RBBP6: variants seen among roughly 807,000 people sequenced by gnomAD.
The protein encoded by RBBP6 is E3 ubiquitin-protein ligase RBBP6.
Under a neutral mutation model 167.7 loss-of-function variants are expected in RBBP6, and 25 were observed. The ratio of observed to expected loss-of-function variants is 0.15; its 90% CI spans 0.11 to 0.21. The LOEUF (loss-of-function observed/expected upper bound fraction) is 0.21. Among genes scored for constraint, RBBP6 ranks in the 10% least tolerant of loss-of-function variants. The pLI is 1.00. For missense variants in RBBP6, 1,868 were observed against 2,134.2 expected (o/e 0.88, Z 2.46); for synonymous variants, 789 against 735.8 (o/e 1.07, Z -1.17).
chr16:24,566,082 G>T (rs951828572), intron 14 of RBBP6, among the ~76,000 whole-genome samples: 1 of 151,988 alleles, frequency 6.6e-6, no homozygotes, highest in African/African-American at 2.4e-5. Context: ...AAGGAAATTC[G>T]GGATATCTTC....
chr16:24,568,772 G>C lies in RBBP6; in HGVS notation c.2082G>C (p.Ser694=), dbSNP rs1285888084. The C allele has an allele frequency of 6.2e-7, 1 of 1,613,882 alleles. No individual in the cohort carries two copies. The highest frequency in any genetic ancestry group is 1.1e-5 in the South Asian group (1 of 91,044). The stretch of plus-strand genomic sequence containing the variant: ...CTAAATCTCCCTATAGTGGTTCTTC[G>C]TATTCAAGAAGTTCATATACTTATT... ...SRSKSPYSGS[S]YSRSSYTYSK... The change falls in exon 17 of 18, where the codon TCG becomes TCC. Residue 694 remains serine (S), a synonymous_variant. Transcript: ENST00000319715.
chr16:24,567,575 G>A (rs1596513117), intron 15 of RBBP6, 70 bp downstream of exon 15: 2 of 1,486,364 alleles, frequency 1.3e-6, no homozygotes, highest in East Asian at 4.7e-5. Flanking sequence ...ATAGGTGTCT[G>A]GAAACGTTTT....
chr16:24,541,215 A>G (rs1266302934), intron 1 of RBBP6, among the ~76,000 whole-genome samples: 1 of 146,484 alleles, frequency 6.8e-6, no homozygotes, highest in Non-Finnish European at 1.5e-5. Context: ...CAAAAAAACA[A>G]TTTTCTAACC....
Position 24,540,157 on chromosome 16 carries a change from T to C in RBBP6, c.-470T>C. On this transcript the variant is annotated 5_prime_UTR_variant, in exon 1 of 18. Transcript: ENST00000319715. Reference sequence around the variant, plus strand: ...GACTCCGGGCCTAGGCCCTCTCCCCTCAACCTTCTCCCGGGGCCTGGGTCA... The same window carrying C: ...GACTCCGGGCCTAGGCCCTCTCCCCCCAACCTTCTCCCGGGGCCTGGGTCA... 6.5e-6 allele frequency: 1 copy of C among 154,948 alleles called. No individual in the cohort carries two copies. The highest frequency in any genetic ancestry group is 1.4e-5 in the Non-Finnish European group (1 of 69,366). The allele number at this position is 154,948 out of a possible 1,614,324, so 9.6% of individuals were successfully genotyped here. A position where few individuals can be genotyped will look rare whatever the true frequency, so the allele number is the denominator to read the frequency against.
intron 3 of RBBP6, 142 bp downstream of exon 3, chr16:24,549,123 A>G: frequency 6.7e-7 from 1 of 1,498,618 alleles, no homozygotes; most frequent in Non-Finnish European, 8.9e-7. Context: ...ATGACAGCTC[A>G]GTTGAATATG....
At chr16:24,556,287 C>T (rs1328174262) in intron 6 of RBBP6, 21 bp from the exon 7 acceptor site, 3 of 1,530,426 alleles carry the variant, frequency 2.0e-6, no homozygotes, top group Non-Finnish European at 2.7e-6. Flanking sequence ...TCCTCCTCCT[C>T]TTCCTTTTTC....
chr16:24,564,915 A>AT (rs1345025727), intron 14 of RBBP6, 50 bp downstream of exon 14: 1 of 1,560,278 alleles, frequency 6.4e-7, no homozygotes, highest in East Asian at 2.4e-5. Flanking sequence ...TTTTATATAT[A>AT]TATCTCACCA....
Position 24,572,611 on chromosome 16 carries a change from G to A in RBBP6, c.*166G>A, listed in dbSNP as rs991456079. The A allele has an allele frequency of 1.3e-5, 13 of 1,022,494 alleles. No individual in the cohort carries two copies. In the Admixed American group the frequency reaches 1.4e-4, roughly 11 times the overall value. 63.3% of individuals were successfully genotyped at this position (1,022,494 alleles called of 1,614,324 possible). On this transcript the variant is annotated 3_prime_UTR_variant, in exon 18 of 18. Transcript: ENST00000319715. Reference sequence around the variant, plus strand: ...TTTTTACATCAGAGCTTTATAACACGAACTTTTGTACAGAATTGTGAGTTG... The same window carrying A: ...TTTTTACATCAGAGCTTTATAACACAAACTTTTGTACAGAATTGTGAGTTG...
Position 24,571,141 on chromosome 16 carries a change from A to G in RBBP6, c.4075A>G (p.Ile1359Val), listed in dbSNP as rs772548397. 13 of 1,613,694 alleles carry G rather than the reference A, an allele frequency of 8.1e-6. No homozygotes were observed. The highest frequency in any genetic ancestry group is 1.7e-5 in the Admixed American group (1 of 60,010). The change falls in exon 18 of 18, where the codon ATA (isoleucine) becomes GTA (valine). Residue 1359 changes from isoleucine (I) to valine (V), a missense_variant. Coordinates refer to ENST00000319715, the MANE Select transcript of RBBP6 (RefSeq NM_006910.5). The stretch of plus-strand genomic sequence containing the variant: ...AAATGTTAGTACAAAGCCATCAAAT[A>G]TAGTCAAGTATCCTGAGAAAGAAAG... ...IKNVSTKPSN[I>V]VKYPEKESEP...
In RBBP6 at chr16:24,540,776, T is replaced by A; in HGVS notation, c.150T>A (p.Asn50Lys). ...CCGACTGCGACCTGCAGATCACCAA[T>A]GCGCAGACGAAAGAAGGTAAGGGCC... ...KAADCDLQIT[N>K]AQTKEEYTDD... Residue 50 changes from asparagine to lysine, a missense_variant, in exon 1 of 18, where the codon AAT becomes AAA. By Grantham distance (94) the Asn-to-Lys change is moderately conservative (BLOSUM62 0). This residue lies in a region of RBBP6 where 184 missense variants were observed against 327.7 expected (regional missense o/e 0.56). Coordinates refer to ENST00000319715, the MANE Select transcript of RBBP6 (RefSeq NM_006910.5). 2 of 1,613,390 alleles carry A rather than the reference T, an allele frequency of 1.2e-6. No individual in the cohort carries two copies. The highest frequency in any genetic ancestry group is 8.5e-7 in the Non-Finnish European group (1 of 1,179,832).
intron 6 of RBBP6, 23 bp from the exon 7 acceptor site, chr16:24,556,285 C>G (rs368893718): frequency 1.0e-5 from 16 of 1,525,804 alleles, no homozygotes; most frequent in African/African-American, 1.4e-5. Context: ...CTTCCTCCTC[C>G]TCTTCCTTTT....
At chr16:24,541,560 T>TA (rs1398604567) in intron 1 of RBBP6, among the ~76,000 whole-genome samples, 1 of 152,228 alleles carries the variant, frequency 6.6e-6, no homozygotes, top group African/African-American at 2.4e-5. Context: ...TGACTGTTGA[T>TA]ACTAAGGTAC....
chr16:24,540,615 T>C lies in RBBP6; in HGVS notation c.-12T>C. The C allele has an allele frequency of 6.2e-7, 1 of 1,606,470 alleles. No homozygotes were observed. Among genetic ancestry groups the C allele is most frequent in the Non-Finnish European group, 8.5e-7 (1 of 1,175,832 alleles). On this transcript the variant is annotated 5_prime_UTR_variant, in exon 1 of 18. Transcript: ENST00000319715. Reference sequence around the variant, plus strand: ...ACGTCTCCTCGCTGAACCTTAGGAATCCCTTGGCACCATGTCCTGTGTGCA... The same window carrying C: ...ACGTCTCCTCGCTGAACCTTAGGAACCCCTTGGCACCATGTCCTGTGTGCA...
At position 24,569,979 on chromosome 16, in the gene RBBP6, A is replaced by G; in HGVS notation, c.3289A>G (p.Lys1097Glu). 1 of 1,597,218 alleles carries G rather than the reference A, an allele frequency of 6.3e-7. No homozygotes were observed. The highest frequency in any genetic ancestry group is 8.5e-7 in the Non-Finnish European group (1 of 1,175,998). Reference protein sequence around the residue: ...TPRKAHSKSAKEHQETKPVKE... With the variant: ...TPRKAHSKSAEEHQETKPVKE... Reference sequence around the variant, plus strand: ...CAGAAAAGCTCACTCTAAATCAGCAAAAGAACACCAAGAAACAAAACCAGT... The same window carrying G: ...CAGAAAAGCTCACTCTAAATCAGCAGAAGAACACCAAGAAACAAAACCAGT... Residue 1097 changes from lysine (K) to glutamate (E), a missense_variant, in exon 17 of 18, where the codon AAA becomes GAA. Coordinates refer to ENST00000319715, the MANE Select transcript of RBBP6 (RefSeq NM_006910.5).
intron 7 of RBBP6, among the ~76,000 whole-genome samples, chr16:24,556,863 A>G (rs1898922887): frequency 6.6e-6 from 1 of 152,212 alleles, no homozygotes; most frequent in African/African-American, 2.4e-5. Context: ...TTTAAGTGTC[A>G]GGCATAAATG....
intron 7 of RBBP6, among the ~76,000 whole-genome samples, chr16:24,557,896 T>C (rs943827024): frequency 6.6e-6 from 1 of 152,206 alleles, no homozygotes. Flanking sequence ...AAATAGTGTT[T>C]TCGTTCACAG....
Position 24,572,439 on chromosome 16 carries a change from T to A in RBBP6, c.5373T>A (p.Thr1791=). The A allele has an allele frequency of 6.6e-7, 1 of 1,523,986 alleles. No individual in the cohort carries two copies. Among genetic ancestry groups the A allele is most frequent in the Middle Eastern group, 1.7e-4 (1 of 5,756 alleles). 94.4% of individuals were successfully genotyped at this position (1,523,986 alleles called of 1,614,324 possible). The change falls in exon 18 of 18, where the codon ACT becomes ACA. Residue 1791 remains threonine (T), a synonymous_variant. Coordinates refer to ENST00000319715, the MANE Select transcript of RBBP6 (RefSeq NM_006910.5). ...EKDDQKVKSV[T]V ...ATGACCAAAAAGTGAAATCTGTCACTGTGTAAAAAGACAGATTTTTTAAAT... is the reference window on the plus strand; with the variant it reads ...ATGACCAAAAAGTGAAATCTGTCACAGTGTAAAAAGACAGATTTTTTAAAT...
chr16:24,571,688 A>G lies in RBBP6; in HGVS notation c.4622A>G (p.Lys1541Arg), dbSNP rs1318074134. Residue 1541 changes from lysine to arginine, a missense_variant, in exon 18 of 18, where the codon AAA becomes AGA. Physicochemically the swap from Lys to Arg is conservative, Grantham distance 26. Transcript: ENST00000319715. ...AATTCTAGTCCCTCAAGAGACAGAA[A>G]ACCTCATGATCACAAAGCCACTTAT... ...KSNSSPSRDR[K>R]PHDHKATYDT... The G allele has an allele frequency of 3.1e-6, 5 of 1,614,180 alleles. No homozygotes were observed. The highest frequency in any genetic ancestry group is 4.2e-6 in the Non-Finnish European group (5 of 1,180,026).
chr16:24,562,749 G>A (rs1899096877), intron 10 of RBBP6, among the ~76,000 whole-genome samples: 1 of 151,200 alleles, frequency 6.6e-6, no homozygotes, highest in African/African-American at 2.4e-5. Context: ...TCTTTAGGAT[G>A]AGACCTTTAC....
Sources: allele counts gnomAD v4.1 joint callset (sites outside exome capture counted in the v4.1 genomes callset), GRCh38; gene constraint gnomAD v4.1.1; regional missense constraint gnomAD v4.1.1; transcripts MANE v1.5; gene names NCBI Gene and HGNC (gene_info 2026-07-23, HGNC 2026-07-21).